Variants in TP63 observed in about 807,000 individuals in gnomAD.
The protein encoded by TP63 is tumor protein 63.
A neutral mutation model predicts 82.8 loss-of-function variants in TP63; 17 were observed. That is an observed-to-expected ratio of 0.21 (90% CI 0.14 to 0.31). The LOEUF (loss-of-function observed/expected upper bound fraction) is 0.31. Among genes scored for constraint, TP63 ranks in the 10% least tolerant of loss-of-function variants. The probability of loss-of-function intolerance (pLI) is 1.00; values close to 1 mark genes in which losing one functional copy is unlikely to be tolerated. For synonymous variants in TP63, 330 were observed against 321.7 expected, an observed-to-expected ratio of 1.03 and a Z score of -0.28; for missense variants, 648 against 895.3, an observed-to-expected ratio of 0.72 and a Z score of 3.52.
chr3:189,748,479 A>G (rs1374176053), intron 3 of TP63, among the ~76,000 whole-genome samples: 1 of 148,568 alleles, frequency 6.7e-6, no homozygotes, highest in African/African-American at 2.5e-5. Context: ...TTTAACCAAG[A>G]AGGCAAAATA....
chr3:189,681,960 C>T (rs190225873), intron 1 of TP63, among the ~76,000 whole-genome samples: 44 of 152,214 alleles, frequency 2.9e-4, no homozygotes, highest in East Asian at 1.9e-4. Flanking sequence ...CAGCTGAGCA[C>T]GGTGGCTCAT....
intron 4 of TP63, among the ~76,000 whole-genome samples, chr3:189,813,402 C>G (rs920210687): frequency 3.9e-5 from 6 of 151,998 alleles, no homozygotes; most frequent in African/African-American, 1.5e-4. Flanking sequence ...AATTGAGAGT[C>G]CTGGTAAGGA....
At chr3:189,666,460 T>C (rs1577202872) in intron 1 of TP63, among the ~76,000 whole-genome samples, 1 of 152,118 alleles carries the variant, frequency 6.6e-6, no homozygotes, top group African/African-American at 2.4e-5. Context: ...AATAGACTTA[T>C]ACTGTAATTA....
At chr3:189,671,284 A>T (rs1241798764) in intron 1 of TP63, among the ~76,000 whole-genome samples, 1 of 152,144 alleles carries the variant, frequency 6.6e-6, no homozygotes, top group Non-Finnish European at 1.5e-5. Context: ...ATAAGAAAAA[A>T]TGGTCAACAT....
intron 1 of TP63, among the ~76,000 whole-genome samples, chr3:189,660,262 T>C (rs1713752744): frequency 1.3e-5 from 2 of 152,062 alleles, no homozygotes; most frequent in African/African-American, 4.8e-5. Context: ...ATCTTCTGCA[T>C]ATTGGTTAGC....
chr3:189,700,992 C>A (rs1357847745), intron 1 of TP63, among the ~76,000 whole-genome samples: 1 of 152,056 alleles, frequency 6.6e-6, no homozygotes, highest in East Asian at 1.9e-4. Flanking sequence ...TACCAAGGCC[C>A]ATCCAAACCA....
chr3:189,676,177 T>G (rs1715380496), intron 1 of TP63, among the ~76,000 whole-genome samples: 1 of 152,124 alleles, frequency 6.6e-6, no homozygotes, highest in African/African-American at 2.4e-5. Context: ...TGAGGACACT[T>G]AAGTTCTACT....
chr3:189,882,701 T>C (rs1236678552), intron 10 of TP63, among the ~76,000 whole-genome samples: 1 of 152,172 alleles, frequency 6.6e-6, no homozygotes, highest in African/African-American at 2.4e-5. Context: ...GTAACTTGTG[T>C]CTGCGCAGGA....
intron 4 of TP63, among the ~76,000 whole-genome samples, chr3:189,838,964 C>A (rs1258442948): frequency 6.9e-6 from 1 of 145,786 alleles, no homozygotes; most frequent in Non-Finnish European, 1.5e-5. Flanking sequence ...TTGAAGGGAC[C>A]TTAAAGTCCC....
At chr3:189,622,906 A>G in the TP63 span, among the ~76,000 whole-genome samples, 1 of 152,364 alleles carries the variant, frequency 6.6e-6, no homozygotes, top group South Asian at 2.1e-4. Flanking sequence ...GTTCTGTACG[A>G]TAAACCACGA....
intron 1 of TP63, among the ~76,000 whole-genome samples, chr3:189,692,391 G>A (rs537223478): frequency 2.8e-5 from 4 of 142,394 alleles, no homozygotes; most frequent in Non-Finnish European, 6.1e-5. Context: ...TTTCCATCTC[G>A]TCTTCTTTCC....
At chr3:189,863,026 T>C (rs2108793026) in intron 4 of TP63, among the ~76,000 whole-genome samples, 2 of 152,296 alleles carry the variant, frequency 1.3e-5, no homozygotes, top group Middle Eastern at 3.4e-3. Flanking sequence ...TAAAGCAACA[T>C]TTTAAATGTG....
intron 1 of TP63, among the ~76,000 whole-genome samples, chr3:189,666,367 C>T (rs1410016202): frequency 6.6e-6 from 1 of 151,974 alleles, no homozygotes; most frequent in Non-Finnish European, 1.5e-5. Flanking sequence ...AGATTGGTTA[C>T]ACAAAAGTTA....
intron 9 of TP63, among the ~76,000 whole-genome samples, chr3:189,870,933 C>T (rs1718347590): frequency 6.6e-6 from 1 of 152,142 alleles, no homozygotes; most frequent in African/African-American, 2.4e-5. Context: ...GGTCCTGACT[C>T]TCAGGGGAAT....
chr3:189,791,402 TGTG>T (rs1470324193), intron 3 of TP63, among the ~76,000 whole-genome samples: 5 of 152,104 alleles, frequency 3.3e-5, no homozygotes, highest in African/African-American at 1.2e-4. Flanking sequence ...GCATTAATGT[TGTG>T]ATTAGAGGAT....
At chr3:189,767,537 G>A (rs143098623) in intron 3 of TP63, among the ~76,000 whole-genome samples, 5 of 152,192 alleles carry the variant, frequency 3.3e-5, no homozygotes, top group African/African-American at 7.2e-5. Context: ...TGCTAGTTTC[G>A]TATTTGAAGA....
intron 3 of TP63, among the ~76,000 whole-genome samples, chr3:189,780,726 G>C (rs182452063): frequency 2.0e-4 from 31 of 152,278 alleles, no homozygotes; most frequent in African/African-American, 7.2e-4. Context: ...ACACCAGCCT[G>C]GTGACATTTG....
chr3:189,805,395 G>A (rs1326962399), intron 3 of TP63, among the ~76,000 whole-genome samples: 1 of 152,094 alleles, frequency 6.6e-6, no homozygotes, highest in Non-Finnish European at 1.5e-5. Context: ...CATCATCAAA[G>A]ACAGATAATT....
intron 4 of TP63, among the ~76,000 whole-genome samples, chr3:189,838,153 CT>C (rs1382741779): frequency 1.3e-5 from 2 of 152,038 alleles, no homozygotes; most frequent in Non-Finnish European, 2.9e-5. Flanking sequence ...CCCCTCCCTC[CT>C]TTTCTCTTTC....
Sources: allele counts gnomAD v4.1 joint callset (sites outside exome capture counted in the v4.1 genomes callset), GRCh38; gene constraint gnomAD v4.1.1; transcripts MANE v1.5; gene names NCBI Gene and HGNC (gene_info 2026-07-23, HGNC 2026-07-21).